MAML3: variants seen among roughly 807,000 people sequenced by gnomAD.
The protein encoded by MAML3 is mastermind-like protein 3.
In MAML3, 27 loss-of-function variants were observed where a neutral mutation model predicts 101.9. The observed-to-expected ratio is 0.27, with a 90% confidence interval of 0.20 to 0.37. MAML3 has a LOEUF of 0.37. Among genes scored for constraint, MAML3 ranks in the 10% least tolerant of loss-of-function variants. The pLI, the probability that MAML3 is intolerant of heterozygous loss-of-function variation, is 1.00. For synonymous variants in MAML3, 501 were observed against 555.9 expected, an observed-to-expected ratio of 0.90 and a Z score of 1.39; for missense variants, 1,316 against 1,444.9, an observed-to-expected ratio of 0.91 and a Z score of 1.45.
chr4:139,910,961 G>C (rs1404127987), intron 1 of MAML3, among the ~76,000 whole-genome samples: 3 of 152,144 alleles, frequency 2.0e-5, no homozygotes, highest in Non-Finnish European at 2.9e-5. Context: ...CATTCACACT[G>C]TTGTACAACC....
chr4:139,990,357 A>G (rs986374451), intron 1 of MAML3, among the ~76,000 whole-genome samples: 1 of 151,984 alleles, frequency 6.6e-6, no homozygotes, highest in Non-Finnish European at 1.5e-5. Flanking sequence ...ACAACTCTTC[A>G]TGCTAAAAAC....
intron 1 of MAML3, chr4:140,134,475 A>G (rs1166810526): frequency 2.5e-6 from 1 of 403,942 alleles, no homozygotes; most frequent in Non-Finnish European, 5.0e-6. Flanking sequence ...AAACAGATCT[A>G]TTCTCCACTT....
At chr4:140,069,421 GGAAGGAGGA>G (rs200938392) in intron 1 of MAML3, among the ~76,000 whole-genome samples, 9,707 of 26,332 alleles carry the variant, frequency 0.37, 1,733 homozygotes, top group African/African-American at 0.52. Flanking sequence ...GAGGAGGAGG[GGAAGGAGGA>G]GAAGGAGGAG....
chr4:139,921,625 C>T (rs181458647), intron 1 of MAML3, among the ~76,000 whole-genome samples: 384 of 152,232 alleles, frequency 2.5e-3, no homozygotes, highest in Non-Finnish European at 4.4e-3. Flanking sequence ...CACAACACTT[C>T]TCTCTCCCCC....
chr4:139,992,155 G>C (rs537585494), intron 1 of MAML3, among the ~76,000 whole-genome samples: 1 of 152,138 alleles, frequency 6.6e-6, no homozygotes, highest in Non-Finnish European at 1.5e-5. Flanking sequence ...ATTTTGGGGG[G>C]TATCCATCTT....
At chr4:139,790,480 C>T (rs994274346) in intron 2 of MAML3, among the ~76,000 whole-genome samples, 2 of 151,518 alleles carry the variant, frequency 1.3e-5, no homozygotes, top group African/African-American at 2.4e-5. Context: ...GCAACATCAC[C>T]GCTATCCATT....
chr4:140,112,309 G>C (rs1477701110), intron 1 of MAML3, among the ~76,000 whole-genome samples: 2 of 151,832 alleles, frequency 1.3e-5, no homozygotes, highest in Non-Finnish European at 2.9e-5. Context: ...TAGATATTCA[G>C]GCCCATGTTG....
intron 1 of MAML3, among the ~76,000 whole-genome samples, chr4:140,025,172 G>A (rs1726799973): frequency 6.6e-6 from 1 of 152,158 alleles, no homozygotes; most frequent in Admixed American, 6.5e-5. Context: ...GCTGTTTTGG[G>A]ACAATTGAGT....
chr4:139,953,593 TGG>T (rs1345661883), intron 1 of MAML3, among the ~76,000 whole-genome samples: 1 of 152,202 alleles, frequency 6.6e-6, no homozygotes, highest in African/African-American at 2.4e-5. Flanking sequence ...TACTCCAGCC[TGG>T]GTGATAGAGC....
Position 139,785,227 on chromosome 4 carries a change from G to A in MAML3, c.2080-54560C>T, listed in dbSNP as rs949564514. On this transcript the variant is annotated intron_variant, in intron 2 of 4. Coordinates refer to ENST00000509479, the MANE Select transcript of MAML3 (RefSeq NM_018717.5). The surrounding 1 kb of genome is among the most constrained non-coding windows in gnomAD (Gnocchi z 4.3). ...AACCACAGCCTGCCCCTCAGCTTCT[G>A]GGTCCTCCCACACGGTGCCGGATCC... Among the ~76,000 whole-genome samples the A allele has an allele frequency of 6.6e-6, 1 of 152,174 alleles. No individual in the cohort carries two copies. The highest frequency in any genetic ancestry group is 1.5e-5 in the Non-Finnish European group (1 of 68,022).
chr4:140,042,410 G>A (rs1484315955), intron 1 of MAML3, among the ~76,000 whole-genome samples: 5 of 152,044 alleles, frequency 3.3e-5, no homozygotes, highest in African/African-American at 9.7e-5. Context: ...CGAGGCAGGC[G>A]GATCACGAGG....
chr4:139,728,478 G>C (rs996979722), intron 3 of MAML3, among the ~76,000 whole-genome samples: 8 of 152,208 alleles, frequency 5.3e-5, no homozygotes, highest in African/African-American at 1.9e-4. Context: ...TACATGAGGT[G>C]GGCTGGGAAA....
At chr4:139,823,057 C>T (rs1731002317) in intron 2 of MAML3, among the ~76,000 whole-genome samples, 1 of 152,172 alleles carries the variant, frequency 6.6e-6, no homozygotes, top group Admixed American at 6.5e-5. Flanking sequence ...ATATATTGGA[C>T]ATTGTGTGGC....
At chr4:139,836,845 G>A (rs927931221) in intron 2 of MAML3, among the ~76,000 whole-genome samples, 8 of 152,100 alleles carry the variant, frequency 5.3e-5, no homozygotes, top group African/African-American at 1.2e-4. Context: ...ACCTCTGGTC[G>A]GGTGCAGTGG....
At chr4:139,804,489 A>G (rs932256297) in intron 2 of MAML3, among the ~76,000 whole-genome samples, 4 of 151,686 alleles carry the variant, frequency 2.6e-5, no homozygotes, top group Non-Finnish European at 4.4e-5. Context: ...CTGGTCTCAA[A>G]CTCCTGACCT....
intron 1 of MAML3, among the ~76,000 whole-genome samples, chr4:139,924,991 C>T (rs1560837766): frequency 3.3e-5 from 5 of 150,812 alleles, no homozygotes; most frequent in Non-Finnish European, 1.5e-5. Context: ...TTTCGCTAAA[C>T]TTTTTTTTTT....
chr4:140,019,070 C>G (rs1726692654), intron 1 of MAML3, among the ~76,000 whole-genome samples: 1 of 145,118 alleles, frequency 6.9e-6, no homozygotes, highest in Non-Finnish European at 1.5e-5. Flanking sequence ...AACTTGGGTT[C>G]TAATTGTTTT....
At chr4:139,758,472 T>C (rs1318079619) in intron 2 of MAML3, among the ~76,000 whole-genome samples, 1 of 152,210 alleles carries the variant, frequency 6.6e-6, no homozygotes, top group East Asian at 1.9e-4. Flanking sequence ...GAAAGACTGA[T>C]GTATGCCCAG....
intron 1 of MAML3, among the ~76,000 whole-genome samples, chr4:140,113,116 A>C (rs1728465016): frequency 6.6e-6 from 1 of 151,886 alleles, no homozygotes; most frequent in Non-Finnish European, 1.5e-5. Context: ...ATCTCTACTA[A>C]AAAATAGAAA....
Sources: gnomAD v4.1 joint callset for allele counts (sites outside exome capture counted in the v4.1 genomes callset) on GRCh38, gnomAD v4.1.1 for gene constraint, Gnocchi (gnomAD v3.1) non-coding constraint, MANE v1.5 for transcripts, NCBI Gene and HGNC (gene_info 2026-07-23, HGNC 2026-07-21) for gene names.